Variants in ERP27 observed in about 807,000 individuals in gnomAD.
The protein encoded by ERP27 is endoplasmic reticulum protein 27.
In ERP27, 23 loss-of-function variants were observed where a neutral mutation model predicts 27.7. That is an observed-to-expected ratio of 0.83 (90% CI 0.60 to 1.18). The LOEUF is 1.18. Among genes scored for constraint, ERP27 ranks in the 50% most tolerant of loss-of-function variants. The pLI, the probability that ERP27 is intolerant of heterozygous loss-of-function variation, is 0.00. For missense variants in ERP27, 363 were observed against 327.9 expected (o/e 1.11, Z -0.83); for synonymous variants, 159 against 118.3 (o/e 1.34, Z -2.23).
chr12:14,928,722 T>G (rs1219881192), intron 3 of ERP27, among the ~76,000 whole-genome samples: 2 of 152,208 alleles, frequency 1.3e-5, no homozygotes, highest in East Asian at 3.8e-4. Context: ...CTTGTGTATA[T>G]TTAATTGTTT....
At chr12:14,914,875 AC>A in intron 6 of ERP27, 93 bp from the exon 7 acceptor site, 1 of 974,716 alleles carries the variant, frequency 1.0e-6, no homozygotes, top group Non-Finnish European at 1.5e-6. Flanking sequence ...TATCTCATGA[AC>A]CCTGTTATAT....
At chr12:14,916,992 C>T (rs548063176) in intron 5 of ERP27, among the ~76,000 whole-genome samples, 186 bp downstream of exon 5, 1 of 152,230 alleles carries the variant, frequency 6.6e-6, no homozygotes, top group East Asian at 1.9e-4. Flanking sequence ...ATTACATATG[C>T]CTTTAATATG....
At chr12:14,920,818 G>A in intron 4 of ERP27, 114 bp downstream of exon 4, 3 of 758,874 alleles carry the variant, frequency 4.0e-6, no homozygotes, top group Non-Finnish European at 6.9e-6. Context: ...AAACAATACA[G>A]TATTGTATTG....
At chr12:14,927,883 A>T (rs1395469367) in intron 3 of ERP27, among the ~76,000 whole-genome samples, 1 of 152,120 alleles carries the variant, frequency 6.6e-6, no homozygotes, top group Non-Finnish European at 1.5e-5. Flanking sequence ...ATTTCAGAAC[A>T]AGCTTTCCAC....
rs193044436 is a variant in ERP27 at position 14,932,679 on chromosome 12, A to G, written c.333+2177T>C. Reference sequence around the variant, plus strand: ...TCTATCTTAAATACATCATTGTGATACCATTTTAGAAACTGTATATAAAGT... The same window carrying G: ...TCTATCTTAAATACATCATTGTGATGCCATTTTAGAAACTGTATATAAAGT... On this transcript the variant is annotated intron_variant, in intron 3 of 6. Transcript: ENST00000266397. 2.6e-5 allele frequency among the ~76,000 whole-genome samples: 4 copies of G among 152,364 alleles called. No homozygotes were observed. The East Asian group carries it at 7.7e-4, about 29-fold the overall frequency.
chr12:14,933,780 G>A (rs1307053132), intron 3 of ERP27, among the ~76,000 whole-genome samples: 1 of 152,066 alleles, frequency 6.6e-6, no homozygotes, highest in Non-Finnish European at 1.5e-5. Flanking sequence ...AGCTTTGCCT[G>A]CTTTCCATAA....
At chr12:14,920,664 A>T (rs1863487222) in intron 4 of ERP27, among the ~76,000 whole-genome samples, 1 of 152,114 alleles carries the variant, frequency 6.6e-6, no homozygotes, top group Non-Finnish European at 1.5e-5. Flanking sequence ...GAGCCACTGC[A>T]CCTGGCCTTG....
chr12:14,930,122 C>G (rs998110209), intron 3 of ERP27, among the ~76,000 whole-genome samples: 1 of 151,672 alleles, frequency 6.6e-6, no homozygotes, highest in Non-Finnish European at 1.5e-5. Context: ...CCATGGCACA[C>G]GTACACGATA....
intron 3 of ERP27, among the ~76,000 whole-genome samples, chr12:14,930,597 C>T (rs1333105729): frequency 1.3e-5 from 2 of 150,766 alleles, no homozygotes; most frequent in Non-Finnish European, 2.9e-5. Flanking sequence ...ACAGGCTGTG[C>T]CCTCACACAG....
intron 3 of ERP27, among the ~76,000 whole-genome samples, chr12:14,923,073 C>CAA (rs34941606): frequency 1.3e-4 from 16 of 126,786 alleles, no homozygotes; most frequent in African/African-American, 3.3e-4. Context: ...AACTCTGTCT[C>CAA]AAAAAAAAAA....
At chr12:14,917,066 A>G (rs1249371155) in intron 5 of ERP27, 112 bp downstream of exon 5, 3 of 1,285,586 alleles carry the variant, frequency 2.3e-6, no homozygotes, top group Non-Finnish European at 3.2e-6. Context: ...TTGCTTTGCT[A>G]TCTCCTAACC....
chr12:14,926,621 A>T (rs762783040), intron 3 of ERP27, among the ~76,000 whole-genome samples: 11 of 152,144 alleles, frequency 7.2e-5, no homozygotes, highest in Non-Finnish European at 1.5e-4. Context: ...GCCAGAATAC[A>T]TTATACAACA....
At chr12:14,934,431 C>T (rs1863744934) in intron 3 of ERP27, among the ~76,000 whole-genome samples, 1 of 152,090 alleles carries the variant, frequency 6.6e-6, no homozygotes, top group African/African-American at 2.4e-5. Context: ...CGGTATCTTG[C>T]ATAGGGCATA....
intron 3 of ERP27, among the ~76,000 whole-genome samples, chr12:14,926,281 T>C (rs573552309): frequency 6.6e-6 from 1 of 152,040 alleles, no homozygotes; most frequent in South Asian, 2.1e-4. Flanking sequence ...GTCTACTTTG[T>C]TTGGTATTAA....
Position 14,920,972 on chromosome 12 carries a change from T to A in ERP27, c.410A>T (p.Glu137Val). 6.2e-7 allele frequency: 1 copy of A among 1,614,128 alleles called. No homozygotes were observed. Among genetic ancestry groups the A allele is most frequent in the Non-Finnish European group, 8.5e-7 (1 of 1,179,980 alleles). ...TGTCACCATGTGGAGGCTGTTGATCTCAATGAAACGGCTCAATTTGGTGGC... is the reference window on the plus strand; with the variant it reads ...TGTCACCATGTGGAGGCTGTTGATCACAATGAAACGGCTCAATTTGGTGGC... The part of the protein sequence containing the change: ...IDATKLSRFI[E>V]INSLHMVTEY... Residue 137 changes from glutamate (E) to valine (V), a missense_variant, in exon 4 of 7, where the codon GAG becomes GTG. By Grantham distance (121) the Glu-to-Val change is moderately radical. Transcript: ENST00000266397.
intron 4 of ERP27, 134 bp downstream of exon 4, chr12:14,920,798 A>C: frequency 1.5e-6 from 1 of 656,942 alleles, no homozygotes; most frequent in Non-Finnish European, 2.7e-6. Flanking sequence ...TGTAGGAAGG[A>C]TAGTAACATA....
intron 4 of ERP27, among the ~76,000 whole-genome samples, chr12:14,918,369 C>T (rs984506649): frequency 6.6e-5 from 10 of 152,134 alleles, no homozygotes; most frequent in African/African-American, 2.4e-4. Flanking sequence ...CTTCAGGAGA[C>T]CAGAAGCATT....
At chr12:14,932,800 A>C (rs1863715612) in intron 3 of ERP27, among the ~76,000 whole-genome samples, 1 of 152,252 alleles carries the variant, frequency 6.6e-6, no homozygotes, top group South Asian at 2.1e-4. Context: ...AGGAGAATAT[A>C]GATTCAAGAT....
chr12:14,929,050 G>A (rs1039612862), intron 3 of ERP27: 5 of 1,533,692 alleles, frequency 3.3e-6, no homozygotes, highest in East Asian at 2.4e-5. Flanking sequence ...AACATTTGAT[G>A]TGTCTAAATG....
Sources: gnomAD v4.1 joint callset for allele counts (sites outside exome capture counted in the v4.1 genomes callset) on GRCh38, gnomAD v4.1.1 for gene constraint, MANE v1.5 for transcripts, NCBI Gene and HGNC (gene_info 2026-07-23, HGNC 2026-07-21) for gene names.